Variants in NLRP12 observed in about 807,000 individuals in gnomAD.
NLRP12 encodes the protein NLR family pyrin domain containing 12, also known as NACHT, LRR and PYD domains-containing protein 12.
In NLRP12, 108 loss-of-function variants were observed where a neutral mutation model predicts 91.2. The ratio of observed to expected loss-of-function variants is 1.18; its 90% CI spans 1.01 to 1.39. NLRP12 has a LOEUF of 1.39. Among genes scored for constraint, NLRP12 ranks in the 40% most tolerant of loss-of-function variants. NLRP12 has a pLI of 0.00. For missense variants in NLRP12, 1,530 were observed against 1,352.7 expected, an observed-to-expected ratio of 1.13 and a Z score of -2.06; for synonymous variants, 613 against 566.7, an observed-to-expected ratio of 1.08 and a Z score of -1.16.
chr19:53,800,090 G>A (rs963288712), intron 7 of NLRP12, among the ~76,000 whole-genome samples: 1 of 152,066 alleles, frequency 6.6e-6, no homozygotes, highest in Non-Finnish European at 1.5e-5. Context: ...CATGAGGTCA[G>A]GAGAGAGAGA....
At chr19:53,800,081 A>G (rs1189291327) in intron 7 of NLRP12, among the ~76,000 whole-genome samples, 1 of 152,054 alleles carries the variant, frequency 6.6e-6, no homozygotes, top group African/African-American at 2.4e-5. Context: ...CAGGTGGATC[A>G]TGAGGTCAGG....
At chr19:53,807,356 C>T (rs772094970) in intron 4 of NLRP12, 139 bp downstream of exon 4, 14 of 816,508 alleles carry the variant, frequency 1.7e-5, no homozygotes, top group Middle Eastern at 3.6e-4. Flanking sequence ...ACGTGAGCCA[C>T]GGCACCTGGC....
In NLRP12 at chr19:53,798,365, C is replaced by A. The variant is rs1179074615; in HGVS notation, c.2805G>T (p.Val935=). 6.2e-7 allele frequency: 1 copy of A among 1,614,090 alleles called. No individual in the cohort carries two copies. The highest frequency in any genetic ancestry group is 1.7e-5 in the Admixed American group (1 of 59,992). The stretch of plus-strand genomic sequence containing the variant: ...GGAGGTTGTGGTTGGCCTGGAGCAC[C>A]ACAGAAAGACCCTCACAGGCGGCAG... ...LGSAACEGLS[V]VLQANHNLRE... The change falls in exon 8 of 10, where the codon GTG becomes GTT. Residue 935 remains valine, a synonymous_variant. Coordinates refer to ENST00000324134, the MANE Select transcript of NLRP12 (RefSeq NM_144687.4).
rs544319440 is a variant in NLRP12, at chr19:53,797,741, A to ATT, written c.2927+500_2927+501dup. The stretch of plus-strand genomic sequence containing the variant: ...CCTCTTTTGTAATTTTTAAATTTTA[A>ATT]TTTTTTTTTTTTTTGAGACAGAGTT... On this transcript the variant is annotated intron_variant, in intron 8 of 9. Transcript: ENST00000324134. Among the ~76,000 whole-genome samples, 12 of 139,486 alleles carry ATT rather than the reference A, an allele frequency of 8.6e-5. No homozygotes were observed. The South Asian group carries it at 9.2e-4, about 11-fold the overall frequency. The allele number at this position is 139,486 out of a possible 152,430, so 91.5% of individuals were successfully genotyped here. A position where few individuals can be genotyped will look rare whatever the true frequency, so the allele number is the denominator to read the frequency against.
chr19:53,808,197 A>G (rs1041165821), intron 3 of NLRP12: 4 of 223,910 alleles, frequency 1.8e-5, no homozygotes, highest in South Asian at 6.8e-5. Context: ...AGCTGGGGCT[A>G]CAGGTGTGCA....
At chr19:53,817,939 C>G (rs990395631) in intron 1 of NLRP12, among the ~76,000 whole-genome samples, 1 of 150,930 alleles carries the variant, frequency 6.6e-6, no homozygotes, top group Non-Finnish European at 1.5e-5. Context: ...TGTACAACCA[C>G]GACCAGCTAA....
At chr19:53,800,158 A>T (rs1308042535) in intron 7 of NLRP12, among the ~76,000 whole-genome samples, 1 of 152,054 alleles carries the variant, frequency 6.6e-6, no homozygotes, top group African/African-American at 2.4e-5. Context: ...TTTAAAAATT[A>T]GCCGGGCATG....
chr19:53,805,232 C>T (rs1250050283), intron 5 of NLRP12, 48 bp downstream of exon 5: 1 of 1,574,096 alleles, frequency 6.4e-7, no homozygotes, highest in Non-Finnish European at 8.7e-7. Flanking sequence ...ATTTCATGCC[C>T]CAGGAGACAA....
chr19:53,819,401 C>T (rs1347268648), intron 1 of NLRP12, among the ~76,000 whole-genome samples: 25 of 117,760 alleles, frequency 2.1e-4, no homozygotes, highest in African/African-American at 7.7e-4. Flanking sequence ...TGTGCCACTA[C>T]GCCTGGCTAA....
chr19:53,815,985 T>C (rs758278136), intron 1 of NLRP12, among the ~76,000 whole-genome samples: 1 of 151,582 alleles, frequency 6.6e-6, no homozygotes, highest in Non-Finnish European at 1.5e-5. Flanking sequence ...TTACCCAGGC[T>C]GGTCTGGAAC....
Position 53,803,031 on chromosome 19 carries a change from G to C in NLRP12, c.2585+921C>G, listed in dbSNP as rs1600687880. 5.3e-5 allele frequency among the ~76,000 whole-genome samples: 8 copies of C among 152,200 alleles called. No individual in the cohort carries two copies. The East Asian group carries it at 1.5e-3, about 29-fold the overall frequency. ...TCCAGAGGGTTGTGATTACAGCTGTGAGCCACCGCGCCCTGCCCTTCTGAA... is the reference window on the plus strand; with the variant it reads ...TCCAGAGGGTTGTGATTACAGCTGTCAGCCACCGCGCCCTGCCCTTCTGAA... On this transcript the variant is annotated intron_variant, in intron 6 of 9. Transcript: ENST00000324134.
intron 6 of NLRP12, 115 bp from the exon 7 acceptor site, chr19:53,801,512 T>A (rs1454980329): frequency 2.6e-5 from 36 of 1,402,976 alleles, no homozygotes; most frequent in Non-Finnish European, 3.1e-5. Context: ...AATGCAGTGG[T>A]GCAATCTCGG....
chr19:53,801,604 C>T (rs1484400993), intron 6 of NLRP12, among the ~76,000 whole-genome samples: 1 of 151,690 alleles, frequency 6.6e-6, no homozygotes, highest in Non-Finnish European at 1.5e-5. Context: ...AAGCGTGTGG[C>T]ATCACGCCTA....
intron 3 of NLRP12, chr19:53,808,512 C>G (rs1220136675): frequency 6.6e-6 from 1 of 151,902 alleles, no homozygotes; most frequent in African/African-American, 2.4e-5. Context: ...AGTTTGAGAC[C>G]AGCCTGGCCA....
At position 53,804,111 on chromosome 19, in the gene NLRP12, C is replaced by T. The variant is rs747001650; in HGVS notation, c.2426G>A (p.Cys809Tyr). Residue 809 changes from cysteine to tyrosine, a missense_variant, in exon 6 of 10, where the codon TGT becomes TAT. Transcript: ENST00000324134. ...CRLQMIQLRK[C>Y]QLESGACQEM... ...CTGACAAGCCCCGGACTCCAGCTGA[C>T]ACTTCCTCAACCTTGGGAGGAAGGA... is the stretch of plus-strand genomic sequence containing the variant. 3.7e-6 allele frequency: 6 copies of T among 1,613,960 alleles called. No homozygotes were observed. In the African/African-American group the frequency reaches 8.0e-5, roughly 22 times the overall value.
intron 4 of NLRP12, 142 bp from the exon 5 acceptor site, chr19:53,805,592 A>C: frequency 1.1e-6 from 1 of 874,990 alleles, no homozygotes; most frequent in Non-Finnish European, 1.8e-6. Context: ...ATTTTGGCTT[A>C]CCACAACCTC....
intron 3 of NLRP12, 48 bp downstream of exon 3, chr19:53,809,539 A>AAC: frequency 6.8e-7 from 1 of 1,469,124 alleles, no homozygotes; most frequent in Non-Finnish European, 9.2e-7. Context: ...AAAAAAAAAA[A>AAC]AACACACGAA....
At chr19:53,813,844 T>C (rs1374492091) in intron 2 of NLRP12, among the ~76,000 whole-genome samples, 3 of 151,662 alleles carry the variant, frequency 2.0e-5, no homozygotes, top group East Asian at 1.9e-4. Flanking sequence ...CAAGTTTCCA[T>C]GCCCAGCTAA....
At chr19:53,798,499 G>T (rs1600676174) in intron 7 of NLRP12, 86 bp from the exon 8 acceptor site, 2 of 1,365,106 alleles carry the variant, frequency 1.5e-6, no homozygotes, top group Non-Finnish European at 2.0e-6. Flanking sequence ...CCCTGTGCTG[G>T]TTGCAGACAG....
Sources: allele counts gnomAD v4.1 joint callset (sites outside exome capture counted in the v4.1 genomes callset), GRCh38; gene constraint gnomAD v4.1.1; transcripts MANE v1.5; gene names NCBI Gene and HGNC (gene_info 2026-07-23, HGNC 2026-07-21).